Variants in CDC73 observed in about 807,000 individuals in gnomAD.
CDC73 encodes cell division cycle 73, also known as parafibromin.
A neutral mutation model predicts 83.7 loss-of-function variants in CDC73; 21 were observed. The observed-to-expected ratio is 0.25, with a 90% CI of 0.18 to 0.36. CDC73 has a LOEUF of 0.36. Among genes scored for constraint, CDC73 ranks in the 10% least tolerant of loss-of-function variants. CDC73 has a pLI of 1.00. For synonymous variants in CDC73, 224 were observed against 212.9 expected, an observed-to-expected ratio of 1.05 and a Z score of -0.45; for missense variants, 342 against 653.3, an observed-to-expected ratio of 0.52 and a Z score of 5.19.
chr1:193,178,881 A>G (rs1021623916), intron 10 of CDC73, among the ~76,000 whole-genome samples: 1 of 152,170 alleles, frequency 6.6e-6, no homozygotes, highest in African/African-American at 2.4e-5. Flanking sequence ...GGTAAAAATG[A>G]TTGTTATTAG....
In CDC73 at chr1:193,139,021, G is replaced by A. The variant is rs956508977; in HGVS notation, c.512+848G>A. The stretch of plus-strand genomic sequence containing the variant: ...AAACTCCTGAACTCGTGATCTGTCC[G>A]CCTTGGCCTCCCAAAGTGCTGGGAT... On this transcript the variant is annotated intron_variant, in intron 6 of 16. Coordinates refer to ENST00000367435, the MANE Select transcript of CDC73 (RefSeq NM_024529.5). 4.6e-5 allele frequency among the ~76,000 whole-genome samples: 7 copies of A among 152,050 alleles called. No homozygotes were observed. In the South Asian group the frequency reaches 1.0e-3, roughly 23 times the overall value.
intron 2 of CDC73, among the ~76,000 whole-genome samples, chr1:193,126,964 T>C (rs1675586663): frequency 6.6e-6 from 1 of 152,070 alleles, no homozygotes; most frequent in African/African-American, 2.4e-5. Context: ...CAATAACTTG[T>C]TGTCTAAAGC....
At chr1:193,245,570 G>A (rs1677939557) in intron 15 of CDC73, among the ~76,000 whole-genome samples, 1 of 152,028 alleles carries the variant, frequency 6.6e-6, no homozygotes, top group Non-Finnish European at 1.5e-5. Context: ...GTTGTTAATA[G>A]GACTGTGAAT....
intron 11 of CDC73, among the ~76,000 whole-genome samples, chr1:193,204,383 G>C (rs986300566): frequency 1.3e-5 from 2 of 150,638 alleles, no homozygotes; most frequent in Non-Finnish European, 3.0e-5. Context: ...TCCGCCTCCT[G>C]GGTTCATGCC....
At chr1:193,238,133 A>G (rs1240536503) in intron 15 of CDC73, among the ~76,000 whole-genome samples, 1 of 152,226 alleles carries the variant, frequency 6.6e-6, no homozygotes, top group East Asian at 1.9e-4. Flanking sequence ...TGAAATTTAG[A>G]TAAGAATTTA....
intron 14 of CDC73, 69 bp from the exon 15 acceptor site, chr1:193,236,187 G>A (rs1161554053): frequency 9.7e-6 from 9 of 926,352 alleles, no homozygotes; most frequent in Admixed American, 1.7e-5. Context: ...ATTTATAGTA[G>A]CTAAAGCTCA....
At chr1:193,171,882 A>C (rs1676523118) in intron 10 of CDC73, among the ~76,000 whole-genome samples, 1 of 152,204 alleles carries the variant, frequency 6.6e-6, no homozygotes, top group Non-Finnish European at 1.5e-5. Flanking sequence ...TAGTGTTGGA[A>C]GAATAAAAAT....
At chr1:193,173,797 C>T (rs867917902) in intron 10 of CDC73, among the ~76,000 whole-genome samples, 1 of 151,934 alleles carries the variant, frequency 6.6e-6, no homozygotes, top group African/African-American at 2.4e-5. Flanking sequence ...TTTTTAAAAA[C>T]ACATTTATGA....
chr1:193,200,226 A>G (rs1335700427), intron 10 of CDC73, among the ~76,000 whole-genome samples: 1 of 152,270 alleles, frequency 6.6e-6, no homozygotes, highest in East Asian at 1.9e-4. Context: ...TTTAAAAAAA[A>G]GTTTTCAATA....
intron 13 of CDC73, among the ~76,000 whole-genome samples, chr1:193,217,479 G>A (rs1287553514): frequency 6.6e-6 from 1 of 152,060 alleles, no homozygotes; most frequent in Non-Finnish European, 1.5e-5. Context: ...GAGTCCAGCC[G>A]CTGTGGCCAG....
chr1:193,141,791 A>G lies in CDC73; in HGVS notation c.513-59A>G, dbSNP rs1406588250. 5.5e-6 allele frequency: 6 copies of G among 1,084,732 alleles called. No individual in the cohort carries two copies. The African/African-American group carries it at 9.4e-5, about 17-fold the overall frequency. The allele number at this position is 1,084,732 out of a possible 1,614,324, so 67.2% of individuals were successfully genotyped here. A position where few individuals can be genotyped will look rare whatever the true frequency, so the allele number is the denominator to read the frequency against. ...GAAATTTATAAATGTAACAAAATAT[A>G]TTTATGATACACTCCAGGAATGCCT... On this transcript the variant is annotated intron_variant, in intron 6 of 16. Coordinates refer to ENST00000367435, the MANE Select transcript of CDC73 (RefSeq NM_024529.5).
intron 1 of CDC73, 40 bp from the exon 2 acceptor site, chr1:193,125,072 A>T: frequency 1.0e-6 from 1 of 993,732 alleles, no homozygotes; most frequent in Non-Finnish European, 1.6e-6. Context: ...GAGTTGAATT[A>T]GAATTGTCAG....
At chr1:193,236,751 G>A (rs147417747) in intron 15 of CDC73, 3,221 of 246,834 alleles carry the variant, frequency 0.013, 39 homozygotes, top group South Asian at 0.036. Flanking sequence ...AAAATTAGCC[G>A]GGCATGGTGG....
intron 16 of CDC73, 66 bp from the exon 17 acceptor site, chr1:193,250,610 C>A (rs1678029427): frequency 4.5e-6 from 5 of 1,115,144 alleles, no homozygotes; most frequent in Non-Finnish European, 5.4e-6. Context: ...CTTGTTTTTA[C>A]ATGCATTATT....
chr1:193,246,004 G>T (rs973355395), intron 15 of CDC73, among the ~76,000 whole-genome samples: 2 of 151,944 alleles, frequency 1.3e-5, no homozygotes, highest in African/African-American at 4.8e-5. Context: ...AAATTTTTAA[G>T]TTTCTAGTAT....
chr1:193,198,594 T>C (rs1677040639), intron 10 of CDC73, among the ~76,000 whole-genome samples: 1 of 152,216 alleles, frequency 6.6e-6, no homozygotes, highest in Admixed American at 6.5e-5. Context: ...CAGTGTGTGG[T>C]ATTTTGGTAT....
chr1:193,183,890 G>A (rs1558302652), intron 10 of CDC73, among the ~76,000 whole-genome samples: 1 of 151,492 alleles, frequency 6.6e-6, no homozygotes, highest in Non-Finnish European at 1.5e-5. Context: ...GTGTAAGAAG[G>A]AGTAAACAAT....
chr1:193,189,950 C>T (rs954492042), intron 10 of CDC73, among the ~76,000 whole-genome samples: 8 of 152,160 alleles, frequency 5.3e-5, no homozygotes, highest in Non-Finnish European at 1.0e-4. Flanking sequence ...AGGGGGAGAG[C>T]ACTTCAACCA....
intron 10 of CDC73, among the ~76,000 whole-genome samples, chr1:193,166,531 A>C (rs1676437277): frequency 6.6e-6 from 1 of 151,814 alleles, no homozygotes; most frequent in Non-Finnish European, 1.5e-5. Context: ...GGATTGACAA[A>C]CCTCTTCTTT....
Sources: gnomAD v4.1 joint callset for allele counts (sites outside exome capture counted in the v4.1 genomes callset) on GRCh38, gnomAD v4.1.1 for gene constraint, MANE v1.5 for transcripts, NCBI Gene and HGNC (gene_info 2026-07-23, HGNC 2026-07-21) for gene names.